Variants in SSTR3 observed in about 807,000 individuals in gnomAD.
SSTR3 encodes the protein somatostatin receptor 3, also known as somatostatin receptor type 3.
For missense variants in SSTR3, 504 were observed against 604.7 expected (o/e 0.83, Z 1.75); for synonymous variants, 281 against 269.2 (o/e 1.04, Z -0.43).
Position 37,206,618 on chromosome 22 carries a change from C to T in SSTR3, c.1186G>A (p.Glu396Lys), listed in dbSNP as rs575289966. The T allele has an allele frequency of 6.2e-7, 1 of 1,612,112 alleles. No homozygotes were observed. The highest frequency in any genetic ancestry group is 1.3e-5 in the African/African-American group (1 of 75,042). The change falls in exon 2 of 2, where the codon GAG (glutamate) becomes AAG (lysine). Residue 396 changes from glutamate (E) to lysine (K), a missense_variant. Coordinates refer to ENST00000610913, the MANE Select transcript of SSTR3 (RefSeq NM_001051.5). ...GCCTCTTGGGGTAGGAGCTGCTGCTCCTTGCTGGCCACTCTGCTGGGCGGC... is the reference window on the plus strand; with the variant it reads ...GCCTCTTGGGGTAGGAGCTGCTGCTTCTTGCTGGCCACTCTGCTGGGCGGC... The part of the protein sequence containing the change: ...ERPPSRVASK[E>K]QQLLPQEAST...
chr22:37,212,611 C>T (rs995718040), upstream of SSTR3, among the ~76,000 whole-genome samples: 8 of 152,114 alleles, frequency 5.3e-5, no homozygotes, highest in Non-Finnish European at 8.8e-5. Flanking sequence ...CACCCACGCC[C>T]GCTGGCCTTG....
chr22:37,211,398 G>A (rs767778685), intron 1 of SSTR3, among the ~76,000 whole-genome samples: 6 of 152,256 alleles, frequency 3.9e-5, no homozygotes, highest in South Asian at 4.1e-4. Context: ...GTGTGACCTC[G>A]GGCAAGTCAC....
Position 37,206,967 on chromosome 22 carries a change from G to A in SSTR3, c.837C>T (p.Val279=). ...CCTCGGGCAGTGGGCACACCACGTT[G>A]ACGATGTTGAGCACGTAGAAGGGCA... is the stretch of plus-strand genomic sequence containing the variant. ...CWMPFYVLNI[V]NVVCPLPEEP... The change falls in exon 2 of 2, where the codon GTC becomes GTT. Residue 279 remains valine, a synonymous_variant. Coordinates refer to ENST00000610913, the MANE Select transcript of SSTR3 (RefSeq NM_001051.5). 1 of 1,612,478 alleles carries A rather than the reference G, an allele frequency of 6.2e-7. No homozygotes were observed. The highest frequency in any genetic ancestry group is 1.3e-5 in the African/African-American group (1 of 75,056).
At chr22:37,214,364 C>CATT (rs1926346551), upstream of SSTR3, among the ~76,000 whole-genome samples, 1 of 152,228 alleles carries the variant, frequency 6.6e-6, no homozygotes, top group South Asian at 2.1e-4. Context: ...GGAGGAAAGA[C>CATT]ATTACCAGAT....
At position 37,207,163 on chromosome 22, in the gene SSTR3, C is replaced by G. The variant is rs376088723; in HGVS notation, c.641G>C (p.Gly214Ala). 1.9e-6 allele frequency: 3 copies of G among 1,612,468 alleles called. No individual in the cohort carries two copies. The South Asian group carries it at 3.3e-5, about 18-fold the overall frequency. ...GATGACCAGCAGCGGCCCGAAGAAG[C>G]CCAGTGCGGCCGTGTAGATGATGAA... ...AGFIIYTAAL[G>A]FFGPLLVICL... The change falls in exon 2 of 2, where the codon GGC becomes GCC. Residue 214 changes from glycine (G) to alanine (A), a missense_variant. Gly to Ala is a moderately conservative substitution (Grantham distance 60). Coordinates refer to ENST00000610913, the MANE Select transcript of SSTR3 (RefSeq NM_001051.5).
Position 37,206,666 on chromosome 22 carries a change from G to T in SSTR3, c.1138C>A (p.Pro380Thr), listed in dbSNP as rs1311437187. The change falls in exon 2 of 2, where the codon CCT becomes ACT. Residue 380 changes from proline (P) to threonine (T), a missense_variant. Coordinates refer to ENST00000610913, the MANE Select transcript of SSTR3 (RefSeq NM_001051.5). ...MNGRVSQITQPGTSGQERPPS... is the reference protein window; with the variant it reads ...MNGRVSQITQTGTSGQERPPS... Reference sequence around the variant, plus strand: ...GGCCGCTCCTGCCCGCTGGTGCCAGGCTGCGTGATCTGGCTGACCCGGCCG... The same window carrying T: ...GGCCGCTCCTGCCCGCTGGTGCCAGTCTGCGTGATCTGGCTGACCCGGCCG... 4 of 1,610,124 alleles carry T rather than the reference G, an allele frequency of 2.5e-6. No homozygotes were observed. The highest frequency in any genetic ancestry group is 1.7e-5 in the Admixed American group (1 of 60,022).
upstream of SSTR3, among the ~76,000 whole-genome samples, chr22:37,217,098 G>A (rs1783074507): frequency 6.6e-6 from 1 of 152,128 alleles, no homozygotes; most frequent in Non-Finnish European, 1.5e-5. Flanking sequence ...ACCGCGCCTG[G>A]CCTCCTCTCT....
chr22:37,207,831 G>A lies in SSTR3; in HGVS notation c.-28C>T. The stretch of plus-strand genomic sequence containing the variant: ...CTGAGGGGAGGGTGGTCAGCAGTCA[G>A]CTATTTGCCTGGGGGAAGGAAAAAC... On this transcript the variant is annotated 5_prime_UTR_variant, in exon 2 of 2. Transcript: ENST00000610913. 1.3e-6 allele frequency: 2 copies of A among 1,484,612 alleles called. No individual in the cohort carries two copies. Among genetic ancestry groups the A allele is most frequent in the Non-Finnish European group, 1.8e-6 (2 of 1,119,010 alleles). 92.0% of individuals were successfully genotyped at this position (1,484,612 alleles called of 1,614,324 possible).
chr22:37,207,825 C>A lies in SSTR3; in HGVS notation c.-22G>T. ...CCATGGCTGAGGGGAGGGTGGTCAG[C>A]AGTCAGCTATTTGCCTGGGGGAAGG... On this transcript the variant is annotated 5_prime_UTR_variant, in exon 2 of 2. Transcript: ENST00000610913. The A allele has an allele frequency of 6.7e-7, 1 of 1,488,538 alleles. No individual in the cohort carries two copies. Among genetic ancestry groups the A allele is most frequent in the Non-Finnish European group, 8.9e-7 (1 of 1,120,406 alleles). The allele number at this position is 1,488,538 out of a possible 1,614,324, so 92.2% of individuals were successfully genotyped here.
chr22:37,207,736 G>A lies in SSTR3; in HGVS notation c.68C>T (p.Pro23Leu), dbSNP rs1925936845. ...SEPENASSAWPPDATLGNVSA... is the reference protein window; with the variant it reads ...SEPENASSAWLPDATLGNVSA... ...CACGTTGCCCAGGGTGGCATCTGGGGGCCAGGCCGAGGAGGCATTCTCAGG... is the reference window on the plus strand; with the variant it reads ...CACGTTGCCCAGGGTGGCATCTGGGAGCCAGGCCGAGGAGGCATTCTCAGG... Residue 23 changes from proline to leucine, a missense_variant, in exon 2 of 2, where the codon CCC becomes CTC. Pro to Leu is a moderately conservative substitution (Grantham distance 98). Transcript: ENST00000610913. 1 of 1,526,756 alleles carries A rather than the reference G, an allele frequency of 6.5e-7. No homozygotes were observed. Among genetic ancestry groups the A allele is most frequent in the Non-Finnish European group, 8.8e-7 (1 of 1,137,114 alleles). 94.6% of individuals were successfully genotyped at this position (1,526,756 alleles called of 1,614,324 possible).
rs552400624 is a variant in SSTR3, at chr22:37,207,247, C to T, written c.557G>A (p.Arg186His). 330 of 1,605,168 alleles carry T rather than the reference C, an allele frequency of 2.1e-4. 5 individuals carry two copies. The South Asian group carries it at 3.4e-3, about 16-fold the overall frequency. ...LPVVVFSGVPRGMSTCHMQWP... is the reference protein window; with the variant it reads ...LPVVVFSGVPHGMSTCHMQWP... ...CTGCATGTGGCAGGTGCTCATGCCG[C>T]GGGGCACTCCCGAGAAGACCACCAC... The change falls in exon 2 of 2, where the codon CGC becomes CAC. Residue 186 changes from arginine (R) to histidine (H), a missense_variant. Physicochemically the swap from Arg to His is conservative, Grantham distance 29. Transcript: ENST00000610913.
chr22:37,207,018 C>T lies in SSTR3; in HGVS notation c.786G>A (p.Val262=), dbSNP rs1925830371. The T allele has an allele frequency of 6.2e-7, 1 of 1,612,670 alleles. No homozygotes were observed. Among genetic ancestry groups the T allele is most frequent in the Non-Finnish European group, 8.5e-7 (1 of 1,179,682 alleles). Residue 262 remains valine (V), a synonymous_variant, in exon 2 of 2, where the codon GTG becomes GTA. Coordinates refer to ENST00000610913, the MANE Select transcript of SSTR3 (RefSeq NM_001051.5). ...ERRVTRMVVA[V]VALFVLCWMP... ...TCCAGCAGAGCACGAAGAGCGCCAC[C>T]ACGGCCACCACCATGCGCGTGACCC...
intron 1 of SSTR3, among the ~76,000 whole-genome samples, chr22:37,208,066 G>A (rs1035653207): frequency 1.3e-5 from 2 of 152,182 alleles, no homozygotes; most frequent in African/African-American, 4.8e-5. Context: ...TGAGGCTCAG[G>A]GAGGTGAGGT....
At chr22:37,211,594 C>G (rs34717012) in intron 1 of SSTR3, among the ~76,000 whole-genome samples, 378 of 152,274 alleles carry the variant, frequency 2.5e-3, no homozygotes, top group African/African-American at 8.8e-3. Context: ...CCAGCCCTGA[C>G]AGCCTGCGAT....
intron 1 of SSTR3, among the ~76,000 whole-genome samples, chr22:37,209,078 A>G (rs1382958939): frequency 6.6e-6 from 1 of 152,208 alleles, no homozygotes; most frequent in Non-Finnish European, 1.5e-5. Flanking sequence ...CTCCCTGCAG[A>G]AAACCCTGAA....
At position 37,206,730 on chromosome 22, in the gene SSTR3, C is replaced by T. The variant is rs756253369; in HGVS notation, c.1074G>A (p.Gly358=). Reference sequence around the variant, plus strand: ...CCTTGCCCCCCTCCCTGCTCTCCTCCCCATCCTCCTCCTCCTCATCCTCCT... The same window carrying T: ...CCTTGCCCCCCTCCCTGCTCTCCTCTCCATCCTCCTCCTCCTCATCCTCCT... ...TEEEDEEEED[G]EESREGGKGK... is the part of the protein sequence containing the mutation. Residue 358 remains glycine (G), a synonymous_variant, in exon 2 of 2, where the codon GGG becomes GGA. Coordinates refer to ENST00000610913, the MANE Select transcript of SSTR3 (RefSeq NM_001051.5). 1.9e-6 allele frequency: 3 copies of T among 1,609,298 alleles called. No homozygotes were observed. Among genetic ancestry groups the T allele is most frequent in the South Asian group, 1.1e-5 (1 of 91,068 alleles).
At chr22:37,210,918 G>C (rs1435315693) in intron 1 of SSTR3, 15 of 985,398 alleles carry the variant, frequency 1.5e-5, no homozygotes, top group East Asian at 1.1e-4. Context: ...GTTCAACAAG[G>C]AGAGCTCCAA....
At position 37,206,239 on chromosome 22, in the gene SSTR3, G is replaced by T. The variant is rs1390988374; in HGVS notation, c.*308C>A. ...CCCCAAGACACTCCATCCCTGGGGG[G>T]AGGCCAGTCTGCACCCACCTTTTGC... On this transcript the variant is annotated 3_prime_UTR_variant, in exon 2 of 2. Transcript: ENST00000610913. 9.1e-6 allele frequency: 3 copies of T among 328,298 alleles called. No homozygotes were observed. The highest frequency in any genetic ancestry group is 1.1e-5 in the Non-Finnish European group (2 of 180,866). 20.3% of individuals were successfully genotyped at this position (328,298 alleles called of 1,614,324 possible). A position where few individuals can be genotyped will look rare whatever the true frequency, so the allele number is the denominator to read the frequency against.
chr22:37,209,479 C>A (rs757400571), intron 1 of SSTR3, among the ~76,000 whole-genome samples: 1 of 152,212 alleles, frequency 6.6e-6, no homozygotes, highest in East Asian at 1.9e-4. Flanking sequence ...TCTCCCCAAC[C>A]CTTCATCAGG....
Sources: allele counts gnomAD v4.1 joint callset (sites outside exome capture counted in the v4.1 genomes callset), GRCh38; gene constraint gnomAD v4.1.1; transcripts MANE v1.5; gene names NCBI Gene and HGNC (gene_info 2026-07-23, HGNC 2026-07-21).